KDM4B: variants seen among roughly 807,000 people sequenced by gnomAD.
The protein encoded by KDM4B is lysine-specific demethylase 4B.
Under a neutral mutation model 125.2 loss-of-function variants are expected in KDM4B, and 32 were observed. The observed-to-expected ratio is 0.26, with a 90% CI of 0.19 to 0.34. The LOEUF is 0.34. Among genes scored for constraint, KDM4B ranks in the 10% least tolerant of loss-of-function variants. The pLI, the probability that KDM4B is intolerant of heterozygous loss-of-function variation, is 1.00. For synonymous variants in KDM4B, 721 were observed against 677.9 expected, an observed-to-expected ratio of 1.06 and a Z score of -0.99; for missense variants, 1,190 against 1,577.7, an observed-to-expected ratio of 0.75 and a Z score of 4.16.
At chr19:5,045,908 C>T (rs1235625972) in intron 5 of KDM4B, among the ~76,000 whole-genome samples, 2 of 152,230 alleles carry the variant, frequency 1.3e-5, no homozygotes, top group African/African-American at 4.8e-5. Flanking sequence ...CCGCGCCTGG[C>T]CATCTTTTTC....
chr19:5,107,896 G>T (rs1380038863), intron 9 of KDM4B, among the ~76,000 whole-genome samples: 1 of 152,252 alleles, frequency 6.6e-6, no homozygotes, highest in Non-Finnish European at 1.5e-5. Context: ...CCTGCTGTTT[G>T]CTTCTTGGGT....
chr19:5,071,105 A>C, intron 7 of KDM4B, 46 bp downstream of exon 7: 1 of 1,588,470 alleles, frequency 6.3e-7, no homozygotes, highest in Non-Finnish European at 8.6e-7. Flanking sequence ...ACCAGGTGGG[A>C]GGGGCCTGTG....
chr19:4,978,175 C>T (rs1052969948), intron 1 of KDM4B, among the ~76,000 whole-genome samples: 10 of 152,072 alleles, frequency 6.6e-5, no homozygotes, highest in South Asian at 2.1e-4. Context: ...GAAGGGGGGA[C>T]GAGGCGGAGG....
rs2039970446 is a variant in KDM4B at position 5,152,782 on chromosome 19, G to A, written c.*1271G>A. 6.6e-6 allele frequency: 1 copy of A among 152,284 alleles called. No individual in the cohort carries two copies. 9.4% of individuals were successfully genotyped at this position (152,284 alleles called of 1,614,324 possible). ...CCCACCTTAGCTGTCTCCTGCCCCA[G>A]GGAGGGATGGAGGAGATAATTTGCT... is the stretch of plus-strand genomic sequence containing the variant. On this transcript the variant is annotated 3_prime_UTR_variant, in exon 23 of 23. Transcript: ENST00000159111.
intron 11 of KDM4B, among the ~76,000 whole-genome samples, chr19:5,128,999 G>C (rs2146047228): frequency 6.6e-6 from 1 of 152,274 alleles, no homozygotes. Flanking sequence ...CCCGGCCAGT[G>C]CCCCCAGTGC....
At chr19:4,978,068 A>G (rs1027348398) in intron 1 of KDM4B, among the ~76,000 whole-genome samples, 3 of 152,176 alleles carry the variant, frequency 2.0e-5, no homozygotes, top group African/African-American at 7.2e-5. Flanking sequence ...TGTCTTGCTC[A>G]GGAGAGAGAG....
intron 10 of KDM4B, among the ~76,000 whole-genome samples, chr19:5,119,419 C>T (rs564516093): frequency 2.0e-5 from 3 of 152,300 alleles, no homozygotes; most frequent in East Asian, 3.9e-4. Flanking sequence ...CCGTCCCCGC[C>T]GTGTCCATTG....
intron 9 of KDM4B, among the ~76,000 whole-genome samples, chr19:5,104,936 C>G (rs1171117292): frequency 1.3e-5 from 2 of 152,130 alleles, no homozygotes; most frequent in Non-Finnish European, 2.9e-5. Context: ...TGGGGCCATC[C>G]CAGCCGGAAT....
intron 1 of KDM4B, among the ~76,000 whole-genome samples, chr19:4,994,039 TTTTGTTA>T (rs2035118200): frequency 6.7e-6 from 1 of 150,370 alleles, no homozygotes; most frequent in Non-Finnish European, 1.5e-5. Context: ...TTTTTTTTTT[TTTTGTTA>T]TTGTTGTTTT....
In KDM4B at chr19:5,124,226, G is replaced by A. The variant is rs1455852958; in HGVS notation, c.1315+4374G>A. ...CCGTTAACTGCCCATGTGACCCTGAGCTGGGACACCGCCTTGATGGACCCT... is the reference window on the plus strand; with the variant it reads ...CCGTTAACTGCCCATGTGACCCTGAACTGGGACACCGCCTTGATGGACCCT... On this transcript the variant is annotated intron_variant, in intron 11 of 22. Coordinates refer to ENST00000159111, the MANE Select transcript of KDM4B (RefSeq NM_015015.3). 2.6e-5 allele frequency among the ~76,000 whole-genome samples: 4 copies of A among 150,994 alleles called. No homozygotes were observed. The East Asian group carries it at 7.9e-4, about 30-fold the overall frequency.
intron 1 of KDM4B, among the ~76,000 whole-genome samples, chr19:4,978,651 G>A (rs905578799): frequency 5.3e-5 from 8 of 152,030 alleles, no homozygotes; most frequent in African/African-American, 1.4e-4. Flanking sequence ...GCAGAGCAGA[G>A]CCTGCTTCTC....
chr19:4,983,232 C>T (rs1326372794), intron 1 of KDM4B, among the ~76,000 whole-genome samples: 1 of 151,514 alleles, frequency 6.6e-6, no homozygotes, highest in Non-Finnish European at 1.5e-5. Flanking sequence ...GGGCCCTGGC[C>T]CCGGATGCAC....
At chr19:5,016,774 C>T (rs527302806) in intron 2 of KDM4B, among the ~76,000 whole-genome samples, 7 of 152,342 alleles carry the variant, frequency 4.6e-5, no homozygotes, top group Non-Finnish European at 7.3e-5. Context: ...ATGGGAGACT[C>T]ATTTTTAAAT....
At chr19:5,068,854 G>A (rs1248915823) in intron 6 of KDM4B, among the ~76,000 whole-genome samples, 3 of 152,204 alleles carry the variant, frequency 2.0e-5, no homozygotes, top group Admixed American at 6.5e-5. Flanking sequence ...TTTAACATTC[G>A]CCAGATTCAA....
chr19:5,049,130 G>C (rs1403973344), intron 6 of KDM4B, among the ~76,000 whole-genome samples: 1 of 152,158 alleles, frequency 6.6e-6, no homozygotes, highest in African/African-American at 2.4e-5. Flanking sequence ...TCTGCGGGAG[G>C]AGGCGACAGT....
chr19:4,989,000 G>A (rs542209527), intron 1 of KDM4B, among the ~76,000 whole-genome samples: 3 of 152,200 alleles, frequency 2.0e-5, no homozygotes, highest in African/African-American at 4.8e-5. Flanking sequence ...GGAGAATTCC[G>A]AGGATCTGGG....
chr19:5,127,097 C>A (rs1315737387), intron 11 of KDM4B, among the ~76,000 whole-genome samples: 1 of 152,174 alleles, frequency 6.6e-6, no homozygotes, highest in Non-Finnish European at 1.5e-5. Flanking sequence ...GCTGTGACAC[C>A]TTCCCTCCAC....
At chr19:5,077,001 C>T (rs1457699121) in intron 7 of KDM4B, 2 of 259,368 alleles carry the variant, frequency 7.7e-6, no homozygotes, top group African/African-American at 2.2e-5. Context: ...GGGTGGGCAC[C>T]TTGTCACACA....
chr19:5,151,291 A>G, intron 22 of KDM4B, 44 bp from the exon 23 acceptor site: 1 of 1,414,446 alleles, frequency 7.1e-7, no homozygotes, highest in South Asian at 1.5e-5. Flanking sequence ...GGCCGCACAG[A>G]GTGTCTCCAC....
Sources: gnomAD v4.1 joint callset for allele counts (sites outside exome capture counted in the v4.1 genomes callset) on GRCh38, gnomAD v4.1.1 for gene constraint, MANE v1.5 for transcripts, NCBI Gene and HGNC (gene_info 2026-07-23, HGNC 2026-07-21) for gene names.